Variants in ARHGEF33 observed in about 807,000 individuals in gnomAD.
ARHGEF33 encodes the protein DH and coiled-coil domain-containing protein ENSP00000381780.
A neutral mutation model predicts 101.9 loss-of-function variants in ARHGEF33; 72 were observed. That is an observed-to-expected ratio of 0.71 (90% CI 0.58 to 0.86). The LOEUF (loss-of-function observed/expected upper bound fraction) is 0.86, where lower values mean the gene tolerates loss of function less well. Among genes scored for constraint, ARHGEF33 ranks in the 40% least tolerant of loss-of-function variants. The pLI is 0.00. For missense variants in ARHGEF33, 1,169 were observed against 1,111.3 expected, an observed-to-expected ratio of 1.05 and a Z score of -0.74; for synonymous variants, 499 against 442.5, an observed-to-expected ratio of 1.13 and a Z score of -1.60.
chr2:38,950,536 G>A (rs987881593), intron 10 of ARHGEF33, among the ~76,000 whole-genome samples: 3 of 152,074 alleles, frequency 2.0e-5, no homozygotes, highest in Non-Finnish European at 2.9e-5. Context: ...ACTGCAACCT[G>A]TACCTCCCGG....
chr2:38,902,044 G>T (rs1045121856), intron 2 of ARHGEF33, among the ~76,000 whole-genome samples: 2 of 151,876 alleles, frequency 1.3e-5, no homozygotes, highest in Non-Finnish European at 2.9e-5. Context: ...GAACCCGGGA[G>T]GTGGAGCTTG....
intron 2 of ARHGEF33, among the ~76,000 whole-genome samples, chr2:38,906,635 G>C (rs954170974): frequency 4.6e-5 from 7 of 151,836 alleles, no homozygotes; most frequent in African/African-American, 1.7e-4. Context: ...CCATATCTAG[G>C]CTTCTGCTGC....
intron 16 of ARHGEF33, among the ~76,000 whole-genome samples, chr2:38,964,877 T>G (rs552374465): frequency 2.4e-4 from 37 of 152,246 alleles, no homozygotes; most frequent in African/African-American, 8.7e-4. Context: ...GGGATGGGGC[T>G]CAAGAAGCTA....
intron 2 of ARHGEF33, among the ~76,000 whole-genome samples, chr2:38,897,995 G>A (rs1666159238): frequency 1.3e-5 from 2 of 152,184 alleles, no homozygotes; most frequent in African/African-American, 2.4e-5. Context: ...GAGCACAAAG[G>A]GGTTGGTCCG....
intron 17 of ARHGEF33, among the ~76,000 whole-genome samples, chr2:38,971,340 T>C (rs995150442): frequency 3.3e-5 from 5 of 152,200 alleles, no homozygotes; most frequent in African/African-American, 1.2e-4. Context: ...TGGTTATGTG[T>C]CAGTATGTCC....
Position 38,919,460 on chromosome 2 carries a change from A to C in ARHGEF33, c.13A>C (p.Lys5Gln). 6.4e-7 allele frequency: 1 copy of C among 1,551,928 alleles called. No homozygotes were observed. Among genetic ancestry groups the C allele is most frequent in the Admixed American group, 2.0e-5 (1 of 51,012 alleles). Residue 5 changes from lysine to glutamine, a missense_variant, in exon 3 of 18, where the codon AAA becomes CAA. By Grantham distance (53) the Lys-to-Gln change is moderately conservative (BLOSUM62 1). Coordinates refer to ENST00000409978, the MANE Select transcript of ARHGEF33 (RefSeq NM_001145451.5). ...AGTAACCGGCACTATGGAAAAAACC[A>C]AAACAAAGCAAGGTCAGATTTTTCC... MEKT[K>Q]TKQGENEHMP...
At chr2:38,896,259 C>G (rs1195724531) in intron 2 of ARHGEF33, among the ~76,000 whole-genome samples, 2 of 152,186 alleles carry the variant, frequency 1.3e-5, no homozygotes, top group Admixed American at 6.5e-5. Context: ...CTGCCTCAGC[C>G]TCCCGAGTAG....
intron 11 of ARHGEF33, 101 bp downstream of exon 11, chr2:38,951,222 G>GCTT: frequency 8.9e-7 from 1 of 1,126,886 alleles, no homozygotes; most frequent in Non-Finnish European, 1.3e-6. Flanking sequence ...GAATTTCACA[G>GCTT]CTAGAACCAC....
chr2:38,901,737 T>A (rs994169007), intron 2 of ARHGEF33, among the ~76,000 whole-genome samples: 1 of 152,174 alleles, frequency 6.6e-6, no homozygotes, highest in Non-Finnish European at 1.5e-5. Context: ...CCAAGGTCAA[T>A]CAGCTATTTA....
intron 2 of ARHGEF33, among the ~76,000 whole-genome samples, chr2:38,909,136 G>T (rs1165190011): frequency 6.6e-6 from 1 of 152,154 alleles, no homozygotes; most frequent in Non-Finnish European, 1.5e-5. Flanking sequence ...GTTAACTAAG[G>T]AGGGGTGATG....
At position 38,953,156 on chromosome 2, in the gene ARHGEF33, T is replaced by C; in HGVS notation, c.1054-6T>C. On this transcript the variant is annotated splice_region_variant and splice_polypyrimidine_tract_variant and intron_variant, in intron 11 of 17. Coordinates refer to ENST00000409978, the MANE Select transcript of ARHGEF33 (RefSeq NM_001145451.5). Reference sequence around the variant, plus strand: ...CTTACCATGCATTTTTGTGTTTGTTTTAAAGAATAATTTCTTGGATTATTA... The same window carrying C: ...CTTACCATGCATTTTTGTGTTTGTTCTAAAGAATAATTTCTTGGATTATTA... The C allele has an allele frequency of 7.0e-7, 1 of 1,427,722 alleles. No homozygotes were observed. The highest frequency in any genetic ancestry group is 9.7e-7 in the Non-Finnish European group (1 of 1,033,652). The allele number at this position is 1,427,722 out of a possible 1,614,324, so 88.4% of individuals were successfully genotyped here.
intron 16 of ARHGEF33, among the ~76,000 whole-genome samples, chr2:38,962,781 G>A (rs572581428): frequency 6.7e-6 from 1 of 149,900 alleles, no homozygotes; most frequent in Non-Finnish European, 1.5e-5. Context: ...TTGGGAGGCC[G>A]AGGTGGGCGG....
At chr2:38,963,851 T>C in intron 16 of ARHGEF33, among the ~76,000 whole-genome samples, 1 of 152,174 alleles carries the variant, frequency 6.6e-6, no homozygotes, top group East Asian at 1.9e-4. Flanking sequence ...TCCCCGACTT[T>C]TTTGGCACCA....
At chr2:38,892,401 G>A (rs563168065) in intron 1 of ARHGEF33, among the ~76,000 whole-genome samples, 1 of 132,050 alleles carries the variant, frequency 7.6e-6, no homozygotes, top group African/African-American at 2.6e-5. Flanking sequence ...TAGAGATGAT[G>A]CCTAAAGGTG....
chr2:38,940,394 G>T (rs1008789376), intron 9 of ARHGEF33, among the ~76,000 whole-genome samples: 1 of 150,602 alleles, frequency 6.6e-6, no homozygotes, highest in Non-Finnish European at 1.5e-5. Context: ...CTCCCAGGTA[G>T]TTGGCACTAC....
At chr2:38,890,065 T>G in intron 1 of ARHGEF33, 79 bp downstream of exon 1, 1 of 314,114 alleles carries the variant, frequency 3.2e-6, no homozygotes, top group Non-Finnish European at 6.8e-6. Context: ...CCATCAATCC[T>G]TACCACGTGG....
intron 17 of ARHGEF33, among the ~76,000 whole-genome samples, chr2:38,968,308 G>T (rs1174133566): frequency 6.6e-6 from 1 of 152,108 alleles, no homozygotes; most frequent in African/African-American, 2.4e-5. Flanking sequence ...TGCATGGAGT[G>T]GGAGATTGTT....
intron 16 of ARHGEF33, among the ~76,000 whole-genome samples, chr2:38,964,008 C>T (rs548029943): frequency 1.8e-4 from 28 of 152,100 alleles, no homozygotes; most frequent in Non-Finnish European, 3.2e-4. Context: ...ATACAACTCA[C>T]CATAATCTAG....
chr2:38,941,222 G>T (rs1016603711), intron 9 of ARHGEF33, among the ~76,000 whole-genome samples: 9 of 152,084 alleles, frequency 5.9e-5, no homozygotes, highest in African/African-American at 2.2e-4. Flanking sequence ...AGGGTGTGGG[G>T]TTAATTTGGG....
Sources: gnomAD v4.1 joint callset for allele counts (sites outside exome capture counted in the v4.1 genomes callset) on GRCh38, gnomAD v4.1.1 for gene constraint, MANE v1.5 for transcripts, NCBI Gene and HGNC (gene_info 2026-07-23, HGNC 2026-07-21) for gene names.